The following MAD1L1 variants were observed in gnomAD, a reference collection of about 807,000 sequenced individuals.
MAD1L1 encodes mitotic spindle assembly checkpoint protein MAD1.
A neutral mutation model predicts 96.9 loss-of-function variants in MAD1L1; 95 were observed. That is an observed-to-expected ratio of 0.98 (90% CI 0.83 to 1.16). The LOEUF (loss-of-function observed/expected upper bound fraction) is 1.16. Ranked by LOEUF, MAD1L1 falls within the 50% of genes most tolerant of loss-of-function variation. The pLI is 0.00. For missense variants in MAD1L1, 1,007 were observed against 954.4 expected (o/e 1.06, Z -0.73); for synonymous variants, 473 against 396.6 (o/e 1.19, Z -2.29).
chr7:1,827,987 C>A (rs1461868091), intron 18 of MAD1L1, among the ~76,000 whole-genome samples: 2 of 152,058 alleles, frequency 1.3e-5, no homozygotes, highest in Non-Finnish European at 2.9e-5. Flanking sequence ...GCTGGGGATG[C>A]GGGGTGAGGA....
At chr7:1,937,715 G>C (rs1457733096) in intron 16 of MAD1L1, among the ~76,000 whole-genome samples, 1 of 85,104 alleles carries the variant, frequency 1.2e-5, no homozygotes. Context: ...GGAGGTGCAG[G>C]GTCACTGCGC....
At chr7:1,855,983 C>T (rs1429115172) in intron 18 of MAD1L1, among the ~76,000 whole-genome samples, 5 of 152,202 alleles carry the variant, frequency 3.3e-5, no homozygotes, top group Non-Finnish European at 7.3e-5. Flanking sequence ...GACGTGGTGT[C>T]TGCTGAGGGG....
At chr7:2,179,604 A>G (rs1031795232) in intron 10 of MAD1L1, among the ~76,000 whole-genome samples, 1 of 152,050 alleles carries the variant, frequency 6.6e-6, no homozygotes, top group Non-Finnish European at 1.5e-5. Flanking sequence ...GCATCTCTCA[A>G]AATACCATTC....
At chr7:2,220,887 G>T in intron 5 of MAD1L1, 1 of 1,610,146 alleles carries the variant, frequency 6.2e-7, no homozygotes, top group Non-Finnish European at 8.5e-7. Context: ...TACGCACCGT[G>T]TGCCAGGGGC....
chr7:2,166,168 C>T (rs6967713), intron 10 of MAD1L1, among the ~76,000 whole-genome samples: 10,713 of 152,238 alleles, frequency 0.07, 673 homozygotes, highest in African/African-American at 0.16. Flanking sequence ...GGGATCCCGC[C>T]GCAGCCCTGG....
chr7:2,004,465 G>A (rs1257139212), intron 13 of MAD1L1, among the ~76,000 whole-genome samples: 2 of 152,260 alleles, frequency 1.3e-5, no homozygotes, highest in Non-Finnish European at 2.9e-5. Flanking sequence ...AACCTTGCAA[G>A]GTCAAAGGCA....
chr7:1,971,178 G>A (rs4719378), intron 15 of MAD1L1, among the ~76,000 whole-genome samples: 5,140 of 152,244 alleles, frequency 0.034, 192 homozygotes, highest in East Asian at 0.084. Flanking sequence ...AGTGCCATGC[G>A]GGGCCCACAG....
intron 12 of MAD1L1, among the ~76,000 whole-genome samples, chr7:2,051,960 C>T (rs1420744174): frequency 1.3e-5 from 2 of 152,056 alleles, no homozygotes; most frequent in Non-Finnish European, 2.9e-5. Context: ...CAAGGGCAAG[C>T]GTCCTCTGGG....
At chr7:1,979,524 C>T (rs546740398) in intron 15 of MAD1L1, among the ~76,000 whole-genome samples, 5 of 152,392 alleles carry the variant, frequency 3.3e-5, no homozygotes, top group African/African-American at 7.2e-5. Context: ...GGCACCAAAG[C>T]GGAGCCCGGA....
intron 10 of MAD1L1, among the ~76,000 whole-genome samples, chr7:2,190,599 C>T (rs1791672512): frequency 6.6e-6 from 1 of 152,138 alleles, no homozygotes; most frequent in African/African-American, 2.4e-5. Flanking sequence ...TAGTACTCTG[C>T]CAACTCAGAA....
intron 11 of MAD1L1, among the ~76,000 whole-genome samples, chr7:2,070,393 GC>G (rs1472457160): frequency 3.9e-5 from 6 of 152,118 alleles, no homozygotes; most frequent in African/African-American, 1.4e-4. Context: ...ACATGGGACA[GC>G]CGGGCACACA....
At chr7:1,962,470 T>TA (rs912901789) in intron 15 of MAD1L1, among the ~76,000 whole-genome samples, 6 of 152,224 alleles carry the variant, frequency 3.9e-5, no homozygotes, top group South Asian at 2.1e-4. Context: ...GACTTTATCA[T>TA]AAAAAAACTT....
intron 5 of MAD1L1, 133 bp from the exon 6 acceptor site, chr7:2,219,589 C>G: frequency 1.2e-6 from 1 of 817,994 alleles, no homozygotes; most frequent in Non-Finnish European, 1.8e-6. Flanking sequence ...GGCAGAGGGG[C>G]AGAGGAATAA....
At chr7:1,878,863 T>C (rs948523773) in intron 18 of MAD1L1, among the ~76,000 whole-genome samples, 10 of 151,948 alleles carry the variant, frequency 6.6e-5, no homozygotes, top group Non-Finnish European at 1.0e-4. Context: ...CACGATACAA[T>C]TGTCTATGTT....
chr7:2,126,282 G>A (rs1419485770), intron 11 of MAD1L1, among the ~76,000 whole-genome samples: 1 of 152,230 alleles, frequency 6.6e-6, no homozygotes, highest in Non-Finnish European at 1.5e-5. Flanking sequence ...CCCTCGGAGG[G>A]CCCCAGGTTG....
rs1250583447 is a variant in MAD1L1, at chr7:1,968,509, GGCGGTCAGGTCCACCGTCAATGCCA to G, written c.1506-10815_1506-10791del. Among the ~76,000 whole-genome samples, 1 of 149,178 alleles carries G rather than the reference GGCGGTCAGGTCCACCGTCAATGCCA, an allele frequency of 6.7e-6. No homozygotes were observed. The highest frequency in any genetic ancestry group is 2.5e-5 in the African/African-American group (1 of 40,174). On this transcript the variant is annotated intron_variant, in intron 15 of 18. Transcript: ENST00000265854. The surrounding 1 kb of genome is among the most constrained non-coding windows in gnomAD (Gnocchi z 5.6). Reference sequence around the variant, plus strand: ...AGGTCCACTGTCCATGCCTCAGTCCGGCGGTCAGGTCCACCGTCAATGCCAGCGGTCATGTCCACCATCAACGCCT... The same window carrying G: ...AGGTCCACTGTCCATGCCTCAGTCCGGCGGTCATGTCCACCATCAACGCCT...
intron 10 of MAD1L1, among the ~76,000 whole-genome samples, chr7:2,199,456 C>T (rs1449502921): frequency 6.6e-6 from 1 of 152,268 alleles, no homozygotes; most frequent in East Asian, 1.9e-4. Context: ...GCCACCCCCA[C>T]ATGCCCTGCA....
chr7:1,893,713 G>A (rs1786695437), intron 18 of MAD1L1, among the ~76,000 whole-genome samples: 1 of 152,152 alleles, frequency 6.6e-6, no homozygotes, highest in Non-Finnish European at 1.5e-5. Context: ...AGGGCCCCCA[G>A]GGAGCACCCA....
chr7:2,182,619 C>A (rs923543350), intron 10 of MAD1L1, among the ~76,000 whole-genome samples: 1 of 152,188 alleles, frequency 6.6e-6, no homozygotes, highest in Non-Finnish European at 1.5e-5. Flanking sequence ...TGGGGTATGA[C>A]CACGTGCCAT....
Sources: gnomAD v4.1 joint callset for allele counts (sites outside exome capture counted in the v4.1 genomes callset) on GRCh38, gnomAD v4.1.1 for gene constraint, Gnocchi (gnomAD v3.1) non-coding constraint, MANE v1.5 for transcripts, NCBI Gene and HGNC (gene_info 2026-07-23, HGNC 2026-07-21) for gene names.